PDGFC: variants seen among roughly 807,000 people sequenced by gnomAD.
The protein encoded by PDGFC is platelet-derived growth factor C.
A neutral mutation model predicts 35.5 loss-of-function variants in PDGFC; 12 were observed. The ratio of observed to expected loss-of-function variants is 0.34; its 90% confidence interval spans 0.22 to 0.55. The LOEUF (loss-of-function observed/expected upper bound fraction) is 0.55. PDGFC is among the 20% of genes least tolerant of loss of function. The pLI is 0.91. For synonymous variants in PDGFC, 159 were observed against 148.8 expected, an observed-to-expected ratio of 1.07 and a Z score of -0.50; for missense variants, 322 against 412.4, an observed-to-expected ratio of 0.78 and a Z score of 1.90.
At chr4:156,946,273 A>G (rs1305202185) in intron 1 of PDGFC, among the ~76,000 whole-genome samples, 3 of 152,054 alleles carry the variant, frequency 2.0e-5, no homozygotes, top group African/African-American at 7.2e-5. Context: ...AATATGGACT[A>G]TGTTATCAGA....
rs557289680 is a variant in PDGFC at position 156,853,626 on chromosome 4, TAA to T, written c.119-3212_119-3211del. On this transcript the variant is annotated intron_variant, in intron 1 of 5. Coordinates refer to ENST00000502773, the MANE Select transcript of PDGFC (RefSeq NM_016205.3). The stretch of plus-strand genomic sequence containing the variant: ...TCTCCTAAGAATACAGAAGGAACTA[TAA>T]AGTTAGATGAATTCTCCACATAGAC... Among the ~76,000 whole-genome samples the T allele has an allele frequency of 2.5e-3, 382 of 152,256 alleles. 3 individuals are homozygous for T. The highest frequency in any genetic ancestry group is 9.0e-3 in the African/African-American group (375 of 41,568).
chr4:156,815,410 G>A (rs1732059678), intron 2 of PDGFC, among the ~76,000 whole-genome samples: 1 of 151,544 alleles, frequency 6.6e-6, no homozygotes. Context: ...ACTGGTTTGG[G>A]AATGCATAGT....
At chr4:156,840,054 A>T (rs1401700704) in intron 2 of PDGFC, among the ~76,000 whole-genome samples, 1 of 152,216 alleles carries the variant, frequency 6.6e-6, no homozygotes, top group African/African-American at 2.4e-5. Flanking sequence ...TGCAGTAGAA[A>T]AGAAAAACCT....
At position 156,806,223 on chromosome 4, in the gene PDGFC, G is replaced by A. The variant is rs1318226061; in HGVS notation, c.495+4614C>T. 2.0e-5 allele frequency among the ~76,000 whole-genome samples: 3 copies of A among 152,096 alleles called. No individual in the cohort carries two copies. In the East Asian group the frequency reaches 5.8e-4, roughly 29 times the overall value. On this transcript the variant is annotated intron_variant, in intron 3 of 5. Coordinates refer to ENST00000502773, the MANE Select transcript of PDGFC (RefSeq NM_016205.3). ...AAGATGAAGTTCACTGAAGTGTTGT[G>A]AGTTAAAGTACTCTTCAGTTCATCC... is the stretch of plus-strand genomic sequence containing the variant.
At chr4:156,910,423 ATT>A (rs1731012120) in intron 1 of PDGFC, among the ~76,000 whole-genome samples, 1 of 152,076 alleles carries the variant, frequency 6.6e-6, no homozygotes, top group Non-Finnish European at 1.5e-5. Context: ...GTACCAGTTT[ATT>A]TAACAGTCCA....
Position 156,950,665 on chromosome 4 carries a change from CT to C in PDGFC, c.118+20120del, listed in dbSNP as rs199544576. Among the ~76,000 whole-genome samples, 23 of 150,872 alleles carry C rather than the reference CT, an allele frequency of 1.5e-4. No homozygotes were observed. In the East Asian group the frequency reaches 1.6e-3, roughly 10 times the overall value. Reference sequence around the variant, plus strand: ...AAACCTAAGAGGTAGAAGAAAAGTTCTTTTTTTTTCCTCTCCACTATAGTTC... The same window carrying C: ...AAACCTAAGAGGTAGAAGAAAAGTTCTTTTTTTTCCTCTCCACTATAGTTC... On this transcript the variant is annotated intron_variant, in intron 1 of 5. Coordinates refer to ENST00000502773, the MANE Select transcript of PDGFC (RefSeq NM_016205.3).
intron 1 of PDGFC, among the ~76,000 whole-genome samples, chr4:156,911,987 G>A (rs933551108): frequency 1.3e-5 from 2 of 152,010 alleles, no homozygotes; most frequent in African/African-American, 4.8e-5. Context: ...TTTGGTCAAG[G>A]TTTCAATATT....
chr4:156,901,587 A>G (rs1342688325), intron 1 of PDGFC, among the ~76,000 whole-genome samples: 1 of 150,232 alleles, frequency 6.7e-6, no homozygotes, highest in Non-Finnish European at 1.5e-5. Flanking sequence ...ATGGCCGGGT[A>G]TCTATTTCAT....
rs1364093170 is a variant in PDGFC, at chr4:156,910,526, T to C, written c.119-60110A>G. Among the ~76,000 whole-genome samples, 5 of 152,156 alleles carry C rather than the reference T, an allele frequency of 3.3e-5. No homozygotes were observed. The South Asian group carries it at 6.2e-4, about 19-fold the overall frequency. On this transcript the variant is annotated intron_variant, in intron 1 of 5. Coordinates refer to ENST00000502773, the MANE Select transcript of PDGFC (RefSeq NM_016205.3). ...TTCATACGTAGATTTTGTGAGAACATAGCTTTCACTTATCTGAAATAAATG... is the reference window on the plus strand; with the variant it reads ...TTCATACGTAGATTTTGTGAGAACACAGCTTTCACTTATCTGAAATAAATG...
chr4:156,965,633 C>A (rs1043962192), intron 1 of PDGFC, among the ~76,000 whole-genome samples: 9 of 151,956 alleles, frequency 5.9e-5, no homozygotes, highest in African/African-American at 2.2e-4. Context: ...GGGCAAATGA[C>A]TGGAAGTTGC....
rs1302312175 is a variant in PDGFC, at chr4:156,894,200, T to A, written c.119-43784A>T. ...AACCATCCCCCTTTAGAGTTTTGAT[T>A]AACTATATTTTATCTTAGTAATCTT... is the stretch of plus-strand genomic sequence containing the variant. On this transcript the variant is annotated intron_variant, in intron 1 of 5. Coordinates refer to ENST00000502773, the MANE Select transcript of PDGFC (RefSeq NM_016205.3). Among the ~76,000 whole-genome samples the A allele has an allele frequency of 2.0e-5, 3 of 152,206 alleles. No homozygotes were observed. The East Asian group carries it at 5.8e-4, about 29-fold the overall frequency.
At chr4:156,806,292 T>C (rs1362296281) in intron 3 of PDGFC, among the ~76,000 whole-genome samples, 2 of 152,054 alleles carry the variant, frequency 1.3e-5, no homozygotes, top group Non-Finnish European at 2.9e-5. Flanking sequence ...AGGGTAAATA[T>C]ACATTGACTC....
intron 1 of PDGFC, among the ~76,000 whole-genome samples, chr4:156,877,661 CA>C (rs11332653): frequency 0.085 from 12,891 of 152,060 alleles, 1,802 homozygotes; most frequent in African/African-American, 0.29. Flanking sequence ...GGAAGTGAAG[CA>C]AAATATACTA....
chr4:156,950,662 G>A (rs1313423266), intron 1 of PDGFC, among the ~76,000 whole-genome samples: 1 of 151,606 alleles, frequency 6.6e-6, no homozygotes, highest in Non-Finnish European at 1.5e-5. Context: ...TAGAAGAAAA[G>A]TTCTTTTTTT....
chr4:156,785,481 T>C (rs1199211550), intron 3 of PDGFC, among the ~76,000 whole-genome samples: 1 of 152,176 alleles, frequency 6.6e-6, no homozygotes, highest in Non-Finnish European at 1.5e-5. Context: ...CCCAAAGTGC[T>C]GGGATTACGG....
At chr4:156,827,916 CAT>C (rs1194321091) in intron 2 of PDGFC, among the ~76,000 whole-genome samples, 1 of 152,150 alleles carries the variant, frequency 6.6e-6, no homozygotes, top group Admixed American at 6.5e-5. Context: ...AGAAAACACA[CAT>C]GTACACATGG....
chr4:156,929,102 C>A (rs534719992), intron 1 of PDGFC, among the ~76,000 whole-genome samples: 1 of 152,216 alleles, frequency 6.6e-6, no homozygotes, highest in Non-Finnish European at 1.5e-5. Context: ...GCAGTAACAC[C>A]CTTGCTATTT....
At chr4:156,771,823 C>T (rs549863174) in intron 4 of PDGFC, among the ~76,000 whole-genome samples, 10 of 152,216 alleles carry the variant, frequency 6.6e-5, no homozygotes, top group Non-Finnish European at 1.2e-4. Context: ...CCAAAGCAGT[C>T]GATTTCACTG....
intron 2 of PDGFC, among the ~76,000 whole-genome samples, chr4:156,815,629 T>C (rs1338637060): frequency 6.6e-6 from 1 of 151,980 alleles, no homozygotes; most frequent in Admixed American, 6.6e-5. Context: ...CATAGCCAAA[T>C]GAAAAGAGGA....
Sources: gnomAD v4.1 joint callset for allele counts (sites outside exome capture counted in the v4.1 genomes callset) on GRCh38, gnomAD v4.1.1 for gene constraint, MANE v1.5 for transcripts, NCBI Gene and HGNC (gene_info 2026-07-23, HGNC 2026-07-21) for gene names.